SH3PXD2A: variants seen among roughly 807,000 people sequenced by gnomAD.
SH3PXD2A encodes SH3 and PX domains 2A, also known as SH3 and PX domain-containing protein 2A.
A neutral mutation model predicts 115.2 loss-of-function variants in SH3PXD2A; 32 were observed. The ratio of observed to expected loss-of-function variants is 0.28; its 90% confidence interval spans 0.21 to 0.37. The LOEUF (loss-of-function observed/expected upper bound fraction) is 0.37, where lower values mean the gene tolerates loss of function less well. Among genes scored for constraint, SH3PXD2A ranks in the 10% least tolerant of loss-of-function variants. The probability of loss-of-function intolerance (pLI) is 1.00; values close to 1 mark genes in which losing one functional copy is unlikely to be tolerated. For synonymous variants in SH3PXD2A, 610 were observed against 629.1 expected, an observed-to-expected ratio of 0.97 and a Z score of 0.45; for missense variants, 1,328 against 1,498.7, an observed-to-expected ratio of 0.89 and a Z score of 1.88.
At chr10:103,630,008 T>C (rs1413661993) in intron 8 of SH3PXD2A, among the ~76,000 whole-genome samples, 1 of 152,246 alleles carries the variant, frequency 6.6e-6, no homozygotes, top group Admixed American at 6.5e-5. Flanking sequence ...GAGGCTTGCA[T>C]GTCAATTCCC....
intron 6 of SH3PXD2A, among the ~76,000 whole-genome samples, chr10:103,682,210 C>A (rs1450309975): frequency 1.3e-5 from 2 of 152,200 alleles, no homozygotes; most frequent in Non-Finnish European, 2.9e-5. Flanking sequence ...CGCCCCTGCC[C>A]CCTCCCCGCT....
At chr10:103,779,978 C>G (rs569234677) in intron 2 of SH3PXD2A, among the ~76,000 whole-genome samples, 1 of 152,232 alleles carries the variant, frequency 6.6e-6, no homozygotes, top group East Asian at 1.9e-4. Flanking sequence ...CGGCTTTAAC[C>G]TTTTCCCGGC....
At chr10:103,659,141 C>T (rs1483652554) in intron 8 of SH3PXD2A, among the ~76,000 whole-genome samples, 1 of 152,204 alleles carries the variant, frequency 6.6e-6, no homozygotes. Flanking sequence ...TCCCAGGGTC[C>T]TGTAGATGGG....
intron 6 of SH3PXD2A, among the ~76,000 whole-genome samples, chr10:103,687,080 G>A (rs1470328896): frequency 6.6e-6 from 1 of 152,130 alleles, no homozygotes; most frequent in Non-Finnish European, 1.5e-5. Flanking sequence ...TAAAGACCAT[G>A]ACCGGATGAC....
chr10:103,768,685 T>A (rs1034554507), intron 2 of SH3PXD2A, among the ~76,000 whole-genome samples: 1 of 152,174 alleles, frequency 6.6e-6, no homozygotes, highest in Non-Finnish European at 1.5e-5. Context: ...GGAGACCAGT[T>A]AGGATCCTAC....
At chr10:103,738,889 G>A (rs925866631) in intron 3 of SH3PXD2A, among the ~76,000 whole-genome samples, 1 of 151,886 alleles carries the variant, frequency 6.6e-6, no homozygotes, top group Non-Finnish European at 1.5e-5. Flanking sequence ...CTGCCTCCCG[G>A]GTTCAAGCAA....
chr10:103,690,795 T>C (rs1230325801), intron 6 of SH3PXD2A, among the ~76,000 whole-genome samples: 1 of 152,032 alleles, frequency 6.6e-6, no homozygotes, highest in Non-Finnish European at 1.5e-5. Flanking sequence ...GAAGAAGTAA[T>C]GGGCACAGAG....
At chr10:103,741,251 GA>G (rs927754966) in intron 3 of SH3PXD2A, among the ~76,000 whole-genome samples, 1 of 152,228 alleles carries the variant, frequency 6.6e-6, no homozygotes. Context: ...ATGGAAGACA[GA>G]AAAGAGAGGA....
chr10:103,760,608 TATAAA>T (rs1489600879), intron 3 of SH3PXD2A, among the ~76,000 whole-genome samples: 1 of 150,678 alleles, frequency 6.6e-6, no homozygotes, highest in East Asian at 1.9e-4. Context: ...TATACATGTA[TATAAA>T]ATATAAAATA....
chr10:103,660,852 C>T (rs2037285320), intron 8 of SH3PXD2A, 131 bp downstream of exon 8: 1 of 1,045,232 alleles, frequency 9.6e-7, no homozygotes, highest in East Asian at 2.5e-5. Flanking sequence ...CTTCAGCCGC[C>T]TCGGCCCTCT....
At chr10:103,699,450 G>A (rs1407170978) in intron 5 of SH3PXD2A, among the ~76,000 whole-genome samples, 1 of 152,162 alleles carries the variant, frequency 6.6e-6, no homozygotes, top group East Asian at 1.9e-4. Context: ...CCTAACAGGA[G>A]GCTACTCTGA....
Position 103,807,222 on chromosome 10 carries a change from C to T in SH3PXD2A, c.73-5860G>A, listed in dbSNP as rs140529400. Among the ~76,000 whole-genome samples, 865 of 152,314 alleles carry T rather than the reference C, an allele frequency of 5.7e-3. 4 individuals are homozygous for T. The highest frequency in any genetic ancestry group is 0.01 in the Middle Eastern group (3 of 294). ...TGGGACCAATTAGAAACTGCAAATA[C>T]ACAGCCCAACCATTCCTAGAAGGCC... is the stretch of plus-strand genomic sequence containing the variant. On this transcript the variant is annotated intron_variant, in intron 1 of 14. Transcript: ENST00000369774.
At chr10:103,814,697 T>C (rs2039306429) in intron 1 of SH3PXD2A, among the ~76,000 whole-genome samples, 1 of 152,206 alleles carries the variant, frequency 6.6e-6, no homozygotes, top group African/African-American at 2.4e-5. Flanking sequence ...GGAATGTTTC[T>C]TTTAACCAAA....
At chr10:103,759,136 T>A (rs1400102585) in intron 3 of SH3PXD2A, among the ~76,000 whole-genome samples, 3 of 152,190 alleles carry the variant, frequency 2.0e-5, no homozygotes, top group African/African-American at 7.2e-5. Context: ...CCGGATCTTC[T>A]GCACAGGGCT....
chr10:103,704,998 G>A (rs1339192569), intron 5 of SH3PXD2A, among the ~76,000 whole-genome samples: 1 of 152,080 alleles, frequency 6.6e-6, no homozygotes, highest in African/African-American at 2.4e-5. Flanking sequence ...TGTAGCAGGG[G>A]GGCCATCCAG....
chr10:103,712,699 C>G (rs543442336), intron 5 of SH3PXD2A, among the ~76,000 whole-genome samples: 1 of 152,360 alleles, frequency 6.6e-6, no homozygotes, highest in East Asian at 1.9e-4. Flanking sequence ...ATGCCTTCAA[C>G]TCTACCTTCA....
chr10:103,854,904 C>G (rs568384600), intron 1 of SH3PXD2A, among the ~76,000 whole-genome samples: 9 of 152,150 alleles, frequency 5.9e-5, no homozygotes, highest in Non-Finnish European at 1.0e-4. Context: ...ACGAAAGCTC[C>G]CCCCACCATC....
chr10:103,804,449 G>C (rs1288030439), intron 1 of SH3PXD2A, among the ~76,000 whole-genome samples: 6 of 149,318 alleles, frequency 4.0e-5, no homozygotes, highest in Non-Finnish European at 7.4e-5. Context: ...AGCCTCCCAA[G>C]TAGCTGGGAC....
At chr10:103,635,542 C>T (rs1278461576) in intron 8 of SH3PXD2A, among the ~76,000 whole-genome samples, 5 of 152,232 alleles carry the variant, frequency 3.3e-5, no homozygotes, top group African/African-American at 7.2e-5. Flanking sequence ...CTACCATGCT[C>T]ATTCCCTTGA....
Sources: allele counts gnomAD v4.1 joint callset (sites outside exome capture counted in the v4.1 genomes callset), GRCh38; gene constraint gnomAD v4.1.1; transcripts MANE v1.5; gene names NCBI Gene and HGNC (gene_info 2026-07-23, HGNC 2026-07-21).